The following EDA variants were observed in gnomAD, a reference collection of about 807,000 sequenced individuals.
The protein encoded by EDA is ectodysplasin-A.
A neutral mutation model predicts 23.6 loss-of-function variants in EDA; 2 were observed. The ratio of observed to expected loss-of-function variants is 0.08; its 90% CI spans 0.03 to 0.27. EDA has a LOEUF of 0.27. Among genes scored for constraint, EDA ranks in the 10% least tolerant of loss-of-function variants. The probability of loss-of-function intolerance (pLI) is 1.00; values close to 1 mark genes in which losing one functional copy is unlikely to be tolerated. For missense variants in EDA, 229 were observed against 324.2 expected (o/e 0.71, Z 2.26); for synonymous variants, 131 against 132.0 (o/e 0.99, Z 0.05).
At chrX:69,809,116 C>T (rs188555757) in intron 1 of EDA, among the ~76,000 whole-genome samples, 205 of 111,682 alleles carry the variant, frequency 1.8e-3, no homozygotes, top group Non-Finnish European at 3.5e-3. Context: ...TTTTAAGTGC[C>T]AAATACTTAA....
intron 1 of EDA, among the ~76,000 whole-genome samples, chrX:69,948,189 C>T (rs1300615844): frequency 8.9e-6 from 1 of 112,491 alleles, no homozygotes; most frequent in Non-Finnish European, 1.9e-5. Context: ...GTCTGTAGTA[C>T]AATTTCACAC....
intron 1 of EDA, among the ~76,000 whole-genome samples, chrX:69,833,229 A>G (rs1392975282): frequency 9.0e-6 from 1 of 111,626 alleles, no homozygotes; most frequent in Non-Finnish European, 1.9e-5. Context: ...TACCTAATTT[A>G]TTGAGAGTTT....
intron 1 of EDA, among the ~76,000 whole-genome samples, chrX:69,891,003 C>A (rs1346732869): frequency 9.0e-6 from 1 of 110,680 alleles, no homozygotes. Context: ...CTGACAAATG[C>A]CTAATATCCA....
intron 6 of EDA, among the ~76,000 whole-genome samples, chrX:70,032,152 G>A (rs750174043): frequency 1.4e-3 from 155 of 110,962 alleles, no homozygotes; most frequent in African/African-American, 4.9e-3. Flanking sequence ...CCAGCTGCTC[G>A]GGAGGCTGAG....
At chrX:69,798,864 G>T (rs2147483456) in intron 1 of EDA, among the ~76,000 whole-genome samples, 1 of 111,173 alleles carries the variant, frequency 9.0e-6, no homozygotes, top group East Asian at 2.8e-4. Context: ...AAATTTATAT[G>T]GAACCACAAA....
intron 1 of EDA, among the ~76,000 whole-genome samples, chrX:69,743,853 C>T (rs2013535310): frequency 9.0e-6 from 1 of 111,558 alleles, no homozygotes; most frequent in Non-Finnish European, 1.9e-5. Context: ...TATTTCATTT[C>T]CATCTGGTCT....
intron 1 of EDA, among the ~76,000 whole-genome samples, chrX:69,764,539 T>G (rs1422667496): frequency 9.1e-6 from 1 of 110,489 alleles, no homozygotes; most frequent in African/African-American, 3.3e-5. Context: ...CACCGCACCC[T>G]GCCCGTTTCT....
intron 1 of EDA, among the ~76,000 whole-genome samples, chrX:69,702,953 G>GTT (rs368110900): frequency 2.9e-5 from 3 of 102,165 alleles, no homozygotes; most frequent in African/African-American, 3.5e-5. Flanking sequence ...AGGTTTGCAA[G>GTT]TTTTTTTTTT....
At chrX:69,802,959 G>T (rs2015728355) in intron 1 of EDA, among the ~76,000 whole-genome samples, 1 of 111,637 alleles carries the variant, frequency 9.0e-6, no homozygotes, top group Non-Finnish European at 1.9e-5. Flanking sequence ...TACATAGAAG[G>T]TTCTACATGA....
At chrX:69,786,822 C>T (rs1205345212) in intron 1 of EDA, among the ~76,000 whole-genome samples, 1 of 111,008 alleles carries the variant, frequency 9.0e-6, no homozygotes, top group Non-Finnish European at 1.9e-5. Context: ...TGGTGCAGAG[C>T]TGAGTTCAAT....
chrX:69,697,689 G>A (rs748805167), intron 1 of EDA, among the ~76,000 whole-genome samples: 3 of 111,107 alleles, frequency 2.7e-5, no homozygotes, highest in Non-Finnish European at 3.8e-5. Flanking sequence ...GGAGGAACCC[G>A]ATGATGAAGA....
At chrX:69,659,327 C>T (rs1933414716) in intron 1 of EDA, among the ~76,000 whole-genome samples, 1 of 112,199 alleles carries the variant, frequency 8.9e-6, no homozygotes, top group Non-Finnish European at 1.9e-5. Context: ...CAATGAGCTA[C>T]ATTTGTACAG....
At chrX:69,749,922 C>CTTTT (rs1569317439) in intron 1 of EDA, among the ~76,000 whole-genome samples, 8 of 33,251 alleles carry the variant, frequency 2.4e-4, no homozygotes, top group African/African-American at 4.1e-4. Flanking sequence ...CACTAAGGTT[C>CTTTT]TTTTTTTTTT....
intron 1 of EDA, among the ~76,000 whole-genome samples, chrX:69,801,979 A>G (rs148636824): frequency 0.015 from 1,726 of 111,701 alleles, 31 homozygotes; most frequent in African/African-American, 0.054. Context: ...TAACTGATGA[A>G]TGACCCAGGC....
At chrX:69,760,847 G>A (rs952409471) in intron 1 of EDA, among the ~76,000 whole-genome samples, 11 of 111,393 alleles carry the variant, frequency 9.9e-5, no homozygotes, top group African/African-American at 3.3e-4. Context: ...AAATGAACTC[G>A]TTTCTCAGAA....
At chrX:69,688,147 C>T (rs972923715) in intron 1 of EDA, among the ~76,000 whole-genome samples, 4 of 111,813 alleles carry the variant, frequency 3.6e-5, no homozygotes, top group African/African-American at 1.3e-4. Flanking sequence ...TTGGTTGAGA[C>T]TCAGCACCTC....
chrX:69,712,095 A>T (rs2012076683), intron 1 of EDA, among the ~76,000 whole-genome samples: 1 of 110,221 alleles, frequency 9.1e-6, no homozygotes, highest in Non-Finnish European at 1.9e-5. Flanking sequence ...TTAGAGTGTC[A>T]ATTTTAGATC....
intron 1 of EDA, among the ~76,000 whole-genome samples, chrX:69,835,177 G>A (rs544013292): frequency 1.2e-5 from 1 of 86,414 alleles, no homozygotes; most frequent in African/African-American, 4.1e-5. Context: ...TGGTGAATCT[G>A]ACAATTATGT....
chrX:69,938,705 T>C (rs2018712362), intron 1 of EDA, among the ~76,000 whole-genome samples: 1 of 112,222 alleles, frequency 8.9e-6, no homozygotes, highest in Non-Finnish European at 1.9e-5. Context: ...TCCCTCAATT[T>C]TTTTCTATTA....
Sources: gnomAD v4.1 joint callset for allele counts (sites outside exome capture counted in the v4.1 genomes callset) on GRCh38, gnomAD v4.1.1 for gene constraint, MANE v1.5 for transcripts, NCBI Gene and HGNC (gene_info 2026-07-23, HGNC 2026-07-21) for gene names.